Variants in CLOCK observed in about 807,000 individuals in gnomAD.
CLOCK encodes the protein circadian locomoter output cycles protein kaput.
A neutral mutation model predicts 118.4 loss-of-function variants in CLOCK; 43 were observed. The ratio of observed to expected loss-of-function variants is 0.36; its 90% CI spans 0.28 to 0.47. The LOEUF (loss-of-function observed/expected upper bound fraction) is 0.47, where lower values mean the gene tolerates loss of function less well. CLOCK is among the 20% of genes least tolerant of loss of function. The pLI is 1.00. For missense variants in CLOCK, 846 were observed against 999.9 expected (o/e 0.85, Z 2.08); for synonymous variants, 326 against 339.2 (o/e 0.96, Z 0.43).
At chr4:55,507,555 G>C (rs1302343417) in intron 2 of CLOCK, among the ~76,000 whole-genome samples, 1 of 152,116 alleles carries the variant, frequency 6.6e-6, no homozygotes, top group East Asian at 1.9e-4. Flanking sequence ...GGAGGTTGAA[G>C]CCAAGAGAGC....
intron 1 of CLOCK, among the ~76,000 whole-genome samples, chr4:55,512,928 A>T (rs931941735): frequency 6.6e-6 from 1 of 152,176 alleles, no homozygotes; most frequent in Non-Finnish European, 1.5e-5. Context: ...TGGTCCCATA[A>T]AATTATAATA....
chr4:55,501,080 C>G (rs1227563122), intron 2 of CLOCK, among the ~76,000 whole-genome samples: 1 of 152,186 alleles, frequency 6.6e-6, no homozygotes, highest in Non-Finnish European at 1.5e-5. Context: ...TCTCAAACTA[C>G]TGAGCTCAAG....
chr4:55,539,572 C>CAAAAAAAAAAAAA (rs57022769), intron 1 of CLOCK, among the ~76,000 whole-genome samples: 14 of 52,064 alleles, frequency 2.7e-4, no homozygotes, highest in Non-Finnish European at 4.1e-4. Context: ...GACCTTGTCT[C>CAAAAAAAAAAAAA]AAAAAAAAAA....
At chr4:55,530,187 T>C (rs1044488181) in intron 1 of CLOCK, among the ~76,000 whole-genome samples, 4 of 152,118 alleles carry the variant, frequency 2.6e-5, no homozygotes, top group African/African-American at 4.8e-5. Context: ...CACATAATTA[T>C]AAAATTCCAT....
At chr4:55,448,601 C>CGCGCGCGTGTGTGT (rs764071880) in intron 18 of CLOCK, among the ~76,000 whole-genome samples, 178 bp downstream of exon 18, 2 of 117,038 alleles carry the variant, frequency 1.7e-5, no homozygotes, top group Non-Finnish European at 1.8e-5. Context: ...CGCACGCGCG[C>CGCGCGCGTGTGTGT]GTGTGTGTGT....
intron 9 of CLOCK, among the ~76,000 whole-genome samples, chr4:55,459,660 C>T (rs1220585427): frequency 6.6e-6 from 1 of 152,034 alleles, no homozygotes; most frequent in Admixed American, 6.6e-5. Context: ...ACCTTTGGGT[C>T]CTTACTTTCT....
chr4:55,485,937 T>C (rs1274065541), intron 3 of CLOCK, among the ~76,000 whole-genome samples: 3 of 152,168 alleles, frequency 2.0e-5, no homozygotes, highest in Admixed American at 2.0e-4. Flanking sequence ...TCCCCAACTA[T>C]AAAGGATCAA....
chr4:55,506,412 G>C (rs369618631), intron 2 of CLOCK, among the ~76,000 whole-genome samples: 9 of 151,798 alleles, frequency 5.9e-5, no homozygotes, highest in African/African-American at 2.2e-4. Context: ...GATTTTAAAA[G>C]TGGAATTCTT....
At chr4:55,472,740 C>T (rs943934587) in intron 7 of CLOCK, among the ~76,000 whole-genome samples, 3 of 151,812 alleles carry the variant, frequency 2.0e-5, no homozygotes, top group African/African-American at 7.3e-5. Context: ...CTTGTCCCCC[C>T]CCTTCTTTTG....
intron 2 of CLOCK, among the ~76,000 whole-genome samples, chr4:55,495,563 C>A (rs113974162): frequency 0.016 from 2,452 of 152,228 alleles, 24 homozygotes; most frequent in Middle Eastern, 0.054. Context: ...CAGCTATTAT[C>A]CCCTCCTTAT....
At chr4:55,545,321 G>C (rs1577891871) in intron 1 of CLOCK, 1 of 152,122 alleles carries the variant, frequency 6.6e-6, no homozygotes, top group South Asian at 2.1e-4. Flanking sequence ...AAGTTTCAGA[G>C]AAAGCAATTC....
intron 1 of CLOCK, among the ~76,000 whole-genome samples, chr4:55,530,151 A>T (rs1408183213): frequency 6.6e-6 from 1 of 152,200 alleles, no homozygotes; most frequent in African/African-American, 2.4e-5. Flanking sequence ...TCCAGCAAAG[A>T]ATAACAAAAA....
intron 1 of CLOCK, among the ~76,000 whole-genome samples, chr4:55,524,244 C>A (rs6825994): frequency 0.42 from 62,945 of 151,168 alleles, 14,669 homozygotes; most frequent in African/African-American, 0.63. Flanking sequence ...CACACACACA[C>A]AAAAAAAATT....
intron 6 of CLOCK, 119 bp from the exon 7 acceptor site, chr4:55,476,173 T>G: frequency 5.6e-6 from 4 of 708,120 alleles, no homozygotes; most frequent in Non-Finnish European, 1.0e-5. Context: ...GCATTAACAT[T>G]TATTGGGTAG....
chr4:55,533,674 A>ACTTTG (rs1730698145), intron 1 of CLOCK, among the ~76,000 whole-genome samples: 9 of 152,160 alleles, frequency 5.9e-5, no homozygotes, highest in Non-Finnish European at 1.3e-4. Context: ...AGGCCAAGGC[A>ACTTTG]GGTGGATCAC....
In CLOCK at chr4:55,506,224, G is replaced by GT. The variant is rs938454640; in HGVS notation, c.-136+3687dup. ...TCTTTCAGTAAATATCTTTTGTTTTGTTTTTTTGAGACAGGGCCTAACTAT... is the reference window on the plus strand; with the variant it reads ...TCTTTCAGTAAATATCTTTTGTTTTGTTTTTTTTGAGACAGGGCCTAACTAT... On this transcript the variant is annotated intron_variant, in intron 2 of 22. Transcript: ENST00000513440. Among the ~76,000 whole-genome samples, 4 of 151,754 alleles carry GT rather than the reference G, an allele frequency of 2.6e-5. No individual in the cohort carries two copies. The South Asian group carries it at 6.2e-4, about 24-fold the overall frequency.
In CLOCK at chr4:55,429,058, A is replaced by G. The variant is rs371289808; in HGVS notation, c.*6357T>C. 54 of 151,188 alleles carry G rather than the reference A, an allele frequency of 3.6e-4. No individual in the cohort carries two copies. The highest frequency in any genetic ancestry group is 1.2e-3 in the African/African-American group (51 of 41,090). 9.4% of individuals were successfully genotyped at this position (151,188 alleles called of 1,614,324 possible). A position where few individuals can be genotyped will look rare whatever the true frequency, so the allele number is the denominator to read the frequency against. On this transcript the variant is annotated 3_prime_UTR_variant, in exon 23 of 23. Transcript: ENST00000513440. ...GATTGTCTGGTTATACAAGACATCAATCTGAAGGTAACAACTTATTTTAAC... is the reference window on the plus strand; with the variant it reads ...GATTGTCTGGTTATACAAGACATCAGTCTGAAGGTAACAACTTATTTTAAC...
rs34676667 is a variant in CLOCK at position 55,432,474 on chromosome 4, CTTTTTT to C, written c.*2935_*2940del. 1.5e-5 allele frequency: 2 copies of C among 134,830 alleles called. No homozygotes were observed. The highest frequency in any genetic ancestry group is 5.6e-5 in the African/African-American group (2 of 35,846). 8.4% of individuals were successfully genotyped at this position (134,830 alleles called of 1,614,324 possible). ...AAGTGAGAATAAAGCAGAGGGAAGACTTTTTTTTTTTTTTTTTTAAAGCTGGAAGGT... is the reference window on the plus strand; with the variant it reads ...AAGTGAGAATAAAGCAGAGGGAAGACTTTTTTTTTTTTAAAGCTGGAAGGT... On this transcript the variant is annotated 3_prime_UTR_variant, in exon 23 of 23. Transcript: ENST00000513440.
chr4:55,510,633 A>AT (rs1390129775), intron 1 of CLOCK, among the ~76,000 whole-genome samples: 1 of 144,712 alleles, frequency 6.9e-6, no homozygotes, highest in African/African-American at 2.5e-5. Context: ...TCTTTTTAAA[A>AT]AAAAAAAAAA....
Sources: allele counts gnomAD v4.1 joint callset (sites outside exome capture counted in the v4.1 genomes callset), GRCh38; gene constraint gnomAD v4.1.1; transcripts MANE v1.5; gene names NCBI Gene and HGNC (gene_info 2026-07-23, HGNC 2026-07-21).